The following NBAS variants were observed in gnomAD, a reference collection of about 807,000 sequenced individuals.
NBAS encodes NBAS subunit of NRZ tethering complex.
In NBAS, 219 loss-of-function variants were observed where a neutral mutation model predicts 302.5. The observed-to-expected ratio is 0.72, with a 90% CI of 0.65 to 0.81. The LOEUF (loss-of-function observed/expected upper bound fraction) is 0.81, where lower values mean the gene tolerates loss of function less well. Ranked by LOEUF, NBAS falls within the 30% of genes least tolerant of loss-of-function variation. The pLI is 0.00. For synonymous variants in NBAS, 1,118 were observed against 1,021.6 expected (o/e 1.09, Z -1.80); for missense variants, 2,932 against 2,841.6 (o/e 1.03, Z -0.72).
chr2:15,101,372 C>A, the NBAS span, among the ~76,000 whole-genome samples: 75 of 151,938 alleles, frequency 4.9e-4, no homozygotes, highest in Non-Finnish European at 8.7e-4. Context: ...TTATCCCAAA[C>A]CTTTAAATTT....
At chr2:15,281,420 T>C (rs891564322) in intron 42 of NBAS, among the ~76,000 whole-genome samples, 1 of 152,186 alleles carries the variant, frequency 6.6e-6, no homozygotes. Flanking sequence ...TATCTTATCA[T>C]TGATACCCAT....
chr2:14,864,177 C>T, the NBAS span, among the ~76,000 whole-genome samples: 131 of 151,838 alleles, frequency 8.6e-4, 1 homozygote, highest in East Asian at 3.7e-3. Flanking sequence ...ATTAGCTGGG[C>T]GTGGTAGCAC....
Position 15,379,622 on chromosome 2 carries a change from A to G in NBAS, c.3570T>C (p.Asp1190=). ...EYFNSSTNLT[D]SCMDLARCCL... Reference sequence around the variant, plus strand: ...TCTACCTGGCTAGATCCATGCAGCTATCAGTGAGGTTGGTAGAAGAATTGA... The same window carrying G: ...TCTACCTGGCTAGATCCATGCAGCTGTCAGTGAGGTTGGTAGAAGAATTGA... The change falls in exon 30 of 52, where the codon GAT becomes GAC. Residue 1190 remains aspartate, a synonymous_variant. Coordinates refer to ENST00000281513, the MANE Select transcript of NBAS (RefSeq NM_015909.4). 1 of 1,613,904 alleles carries G rather than the reference A, an allele frequency of 6.2e-7. No homozygotes were observed. The highest frequency in any genetic ancestry group is 8.5e-7 in the Non-Finnish European group (1 of 1,179,938).
At chr2:15,226,920 G>C (rs1667173279) in intron 47 of NBAS, among the ~76,000 whole-genome samples, 1 of 151,970 alleles carries the variant, frequency 6.6e-6, no homozygotes, top group Non-Finnish European at 1.5e-5. Context: ...TTGTCTTATT[G>C]CTCTGAATAG....
chr2:15,536,198 A>C (rs901360076), intron 8 of NBAS, among the ~76,000 whole-genome samples: 1 of 152,242 alleles, frequency 6.6e-6, no homozygotes, highest in Non-Finnish European at 1.5e-5. Flanking sequence ...AGGGGTGGAT[A>C]TATGAATAGA....
At chr2:15,055,131 G>T in the NBAS span, among the ~76,000 whole-genome samples, 1 of 152,122 alleles carries the variant, frequency 6.6e-6, no homozygotes, top group Non-Finnish European at 1.5e-5. Flanking sequence ...TCGAAGCAAT[G>T]GTGTAGAATG....
the NBAS span, among the ~76,000 whole-genome samples, chr2:14,868,440 T>C: frequency 1.3e-5 from 2 of 152,222 alleles, no homozygotes; most frequent in African/African-American, 2.4e-5. Context: ...TTTACCAATA[T>C]TGATTTGAAA....
At chr2:15,164,365 C>T (rs1663965701), downstream of NBAS, among the ~76,000 whole-genome samples, 1 of 152,236 alleles carries the variant, frequency 6.6e-6, no homozygotes, top group Non-Finnish European at 1.5e-5. Context: ...GGTTACATAC[C>T]TGGGTTTGCA....
At chr2:15,405,103 T>C (rs1006548409) in intron 25 of NBAS, among the ~76,000 whole-genome samples, 2 of 152,216 alleles carry the variant, frequency 1.3e-5, no homozygotes, top group Non-Finnish European at 2.9e-5. Flanking sequence ...CAAGAAGACA[T>C]GTCTTGCCAT....
chr2:15,401,866 T>C (rs1676167651), intron 26 of NBAS, among the ~76,000 whole-genome samples: 4 of 152,150 alleles, frequency 2.6e-5, no homozygotes, highest in African/African-American at 7.2e-5. Flanking sequence ...TACTGACTTA[T>C]AAAAAGTAGT....
Position 15,475,914 on chromosome 2 carries a change from T to C in NBAS, c.1148-34A>G, listed in dbSNP as rs771883425. On this transcript the variant is annotated intron_variant, in intron 13 of 51. Coordinates refer to ENST00000281513, the MANE Select transcript of NBAS (RefSeq NM_015909.4). ...CGAAAAACAAATCAATACAAATGCA[T>C]CTGCTAATGTGGTTTAAATTCAAAA... 6 of 1,502,734 alleles carry C rather than the reference T, an allele frequency of 4.0e-6. No homozygotes were observed. In the South Asian group the frequency reaches 5.8e-5, roughly 15 times the overall value. 93.1% of individuals were successfully genotyped at this position (1,502,734 alleles called of 1,614,324 possible). A position where few individuals can be genotyped will look rare whatever the true frequency, so the allele number is the denominator to read the frequency against.
the NBAS span, among the ~76,000 whole-genome samples, chr2:14,789,822 C>A: frequency 6.6e-6 from 1 of 152,168 alleles, no homozygotes; most frequent in African/African-American, 2.4e-5. Flanking sequence ...ACTGTGTATT[C>A]ATCTTTGTAT....
the NBAS span, among the ~76,000 whole-genome samples, chr2:14,996,593 T>G: frequency 6.6e-6 from 1 of 152,220 alleles, no homozygotes; most frequent in Non-Finnish European, 1.5e-5. Context: ...AAGATATTGT[T>G]GTCTCTTTGC....
the NBAS span, among the ~76,000 whole-genome samples, chr2:15,084,543 G>A: frequency 6.6e-6 from 1 of 152,208 alleles, no homozygotes; most frequent in Non-Finnish European, 1.5e-5. Context: ...ATTATCCACT[G>A]GGAGTCCCAC....
chr2:15,440,336 G>C (rs975807942), intron 21 of NBAS, among the ~76,000 whole-genome samples: 3 of 152,208 alleles, frequency 2.0e-5, no homozygotes, highest in Non-Finnish European at 4.4e-5. Context: ...TCAGACAGCA[G>C]CATTCGCGGT....
At chr2:15,154,664 A>G in the NBAS span, among the ~76,000 whole-genome samples, 1 of 152,148 alleles carries the variant, frequency 6.6e-6, no homozygotes, top group Admixed American at 6.5e-5. Flanking sequence ...CTGATATAGG[A>G]GCAGTACATC....
chr2:15,536,549 T>C lies in NBAS; in HGVS notation c.516A>G (p.Ala172=), dbSNP rs376668113. 1.2e-6 allele frequency: 2 copies of C among 1,606,280 alleles called. No homozygotes were observed. Among genetic ancestry groups the C allele is most frequent in the Non-Finnish European group, 1.7e-6 (2 of 1,177,656 alleles). The part of the protein sequence containing the change: ...MGSELFVISP[A]SSFIGDLSYA... ...AGCTTAAGTCACCTATAAAACTAGATGCCTACAGAAGAGGGGGAAATTAAG... is the reference window on the plus strand; with the variant it reads ...AGCTTAAGTCACCTATAAAACTAGACGCCTACAGAAGAGGGGGAAATTAAG... Residue 172 remains alanine (A), a splice_region_variant and synonymous_variant, in exon 8 of 52, where the codon GCA becomes GCG. Coordinates refer to ENST00000281513, the MANE Select transcript of NBAS (RefSeq NM_015909.4).
At chr2:15,427,992 C>T (rs1205311236) in intron 21 of NBAS, among the ~76,000 whole-genome samples, 198 bp from the exon 22 acceptor site, 2 of 151,936 alleles carry the variant, frequency 1.3e-5, no homozygotes, top group Admixed American at 1.3e-4. Flanking sequence ...CATAAAATGG[C>T]TCAAAAAGAA....
At chr2:15,270,896 C>T (rs996693171) in intron 44 of NBAS, among the ~76,000 whole-genome samples, 2 of 152,256 alleles carry the variant, frequency 1.3e-5, no homozygotes, top group Non-Finnish European at 2.9e-5. Context: ...CATATGGCAT[C>T]AGAAAATCAT....
Sources: allele counts gnomAD v4.1 joint callset (sites outside exome capture counted in the v4.1 genomes callset), GRCh38; gene constraint gnomAD v4.1.1; transcripts MANE v1.5; gene names NCBI Gene and HGNC (gene_info 2026-07-23, HGNC 2026-07-21).